DCC: variants seen among roughly 807,000 people sequenced by gnomAD.
DCC encodes the protein DCC netrin 1 receptor.
Under a neutral mutation model 172.5 loss-of-function variants are expected in DCC, and 58 were observed. The observed-to-expected ratio is 0.34, with a 90% CI of 0.27 to 0.42. DCC has a LOEUF of 0.42. Among genes scored for constraint, DCC ranks in the 10% least tolerant of loss-of-function variants. The pLI, the probability that DCC is intolerant of heterozygous loss-of-function variation, is 1.00. For missense variants in DCC, 1,740 were observed against 1,791.0 expected (o/e 0.97, Z 0.51); for synonymous variants, 709 against 644.5 (o/e 1.10, Z -1.52).
intron 12 of DCC, among the ~76,000 whole-genome samples, chr18:53,288,421 C>T (rs1389776141): frequency 1.3e-5 from 2 of 152,008 alleles, no homozygotes; most frequent in Non-Finnish European, 2.9e-5. Context: ...GGTTTCTTTC[C>T]ATGTTGCATA....
At chr18:53,139,207 G>T (rs1041399314) in intron 7 of DCC, among the ~76,000 whole-genome samples, 2 of 152,156 alleles carry the variant, frequency 1.3e-5, no homozygotes, top group African/African-American at 4.8e-5. Flanking sequence ...ACTGGCCAAT[G>T]TTTGTGACTT....
chr18:53,287,998 T>C (rs1170630075), intron 12 of DCC, among the ~76,000 whole-genome samples: 1 of 152,150 alleles, frequency 6.6e-6, no homozygotes, highest in Non-Finnish European at 1.5e-5. Flanking sequence ...AATCCTAATA[T>C]GCTGTAAGCC....
intron 1 of DCC, among the ~76,000 whole-genome samples, chr18:52,358,889 T>C (rs555316152): frequency 1.1e-3 from 163 of 152,332 alleles, no homozygotes; most frequent in African/African-American, 3.7e-3. Flanking sequence ...ACGTTTCCAG[T>C]GCCTGAGCAT....
intron 2 of DCC, among the ~76,000 whole-genome samples, chr18:52,877,424 T>C (rs577650837): frequency 6.6e-6 from 1 of 152,254 alleles, no homozygotes; most frequent in South Asian, 2.1e-4. Context: ...TAGTAAAGTT[T>C]TCGGCAAGGT....
intron 5 of DCC, among the ~76,000 whole-genome samples, chr18:52,966,413 A>G (rs535504859): frequency 6.6e-6 from 1 of 151,946 alleles, no homozygotes; most frequent in African/African-American, 2.4e-5. Context: ...AACAATCTCA[A>G]TTTTTTTCTG....
At chr18:52,753,204 A>G (rs937471449) in intron 2 of DCC, among the ~76,000 whole-genome samples, 2 of 152,076 alleles carry the variant, frequency 1.3e-5, no homozygotes, top group African/African-American at 4.8e-5. Context: ...CTACATAACC[A>G]TTTTTCATAA....
chr18:53,505,729 A>G (rs2046165269), intron 27 of DCC, among the ~76,000 whole-genome samples: 1 of 152,194 alleles, frequency 6.6e-6, no homozygotes, highest in African/African-American at 2.4e-5. Context: ...TAGAAGACAT[A>G]ATTCGAAACA....
At chr18:52,539,384 G>T (rs2032376736) in intron 1 of DCC, among the ~76,000 whole-genome samples, 1 of 152,114 alleles carries the variant, frequency 6.6e-6, no homozygotes, top group Non-Finnish European at 1.5e-5. Context: ...CCAGGCCGTG[G>T]ACTAGTATTG....
At chr18:52,411,521 C>T (rs1009994273) in intron 1 of DCC, among the ~76,000 whole-genome samples, 1 of 152,190 alleles carries the variant, frequency 6.6e-6, no homozygotes, top group Non-Finnish European at 1.5e-5. Context: ...GTTACCTGGA[C>T]ATTTTCTTTC....
At chr18:53,095,057 C>A (rs1048971022) in intron 7 of DCC, among the ~76,000 whole-genome samples, 2 of 152,178 alleles carry the variant, frequency 1.3e-5, no homozygotes, top group African/African-American at 4.8e-5. Context: ...CAGTTGGCAA[C>A]AGAAGTCAAC....
chr18:52,432,147 C>T (rs1394442047), intron 1 of DCC, among the ~76,000 whole-genome samples: 1 of 152,098 alleles, frequency 6.6e-6, no homozygotes, highest in Non-Finnish European at 1.5e-5. Flanking sequence ...TGTCGCCCCT[C>T]ATCACTAGCT....
intron 14 of DCC, among the ~76,000 whole-genome samples, chr18:53,338,841 A>G (rs922667776): frequency 6.6e-6 from 1 of 152,224 alleles, no homozygotes; most frequent in African/African-American, 2.4e-5. Flanking sequence ...GTAAGTTTGC[A>G]TGAATTATCT....
At chr18:52,763,711 ACTAT>A (rs1326543436) in intron 2 of DCC, among the ~76,000 whole-genome samples, 1 of 152,206 alleles carries the variant, frequency 6.6e-6, no homozygotes, top group Non-Finnish European at 1.5e-5. Context: ...AACCACCACC[ACTAT>A]CTAATTCCAT....
intron 1 of DCC, among the ~76,000 whole-genome samples, chr18:52,717,585 A>C (rs2036405764): frequency 6.6e-6 from 1 of 152,120 alleles, no homozygotes; most frequent in East Asian, 2.0e-4. Context: ...TCATCCAGAG[A>C]GTACAGGTGG....
chr18:52,603,733 T>C (rs2034065728), intron 1 of DCC, among the ~76,000 whole-genome samples: 1 of 151,622 alleles, frequency 6.6e-6, no homozygotes, highest in Non-Finnish European at 1.5e-5. Flanking sequence ...CTGCAAACAT[T>C]AGGCCTGAAG....
At chr18:53,470,918 T>C (rs550974812) in intron 25 of DCC, among the ~76,000 whole-genome samples, 17 of 152,214 alleles carry the variant, frequency 1.1e-4, no homozygotes, top group Non-Finnish European at 2.4e-4. Flanking sequence ...AGCCAAATTA[T>C]ATAAATCAAC....
chr18:53,125,309 AAT>A (rs1337753236), intron 7 of DCC, among the ~76,000 whole-genome samples: 1 of 151,990 alleles, frequency 6.6e-6, no homozygotes, highest in Non-Finnish European at 1.5e-5. Flanking sequence ...TTCTCCCATT[AAT>A]ATCACGGTAG....
At chr18:53,411,375 G>T (rs1909979240) in intron 20 of DCC, among the ~76,000 whole-genome samples, 1 of 152,034 alleles carries the variant, frequency 6.6e-6, no homozygotes, top group African/African-American at 2.4e-5. Context: ...TTTGTAATAA[G>T]TTTCACAACT....
At chr18:53,081,841 A>G (rs1272807886) in intron 7 of DCC, among the ~76,000 whole-genome samples, 1 of 152,088 alleles carries the variant, frequency 6.6e-6, no homozygotes, top group Non-Finnish European at 1.5e-5. Context: ...TCCTATTTAA[A>G]TTAAACAGTC....
Sources: allele counts gnomAD v4.1 joint callset (sites outside exome capture counted in the v4.1 genomes callset), GRCh38; gene constraint gnomAD v4.1.1; transcripts MANE v1.5; gene names NCBI Gene and HGNC (gene_info 2026-07-23, HGNC 2026-07-21).